Variants in BICD1 observed in about 807,000 individuals in gnomAD.
BICD1 encodes the protein BICD cargo adaptor 1.
Under a neutral mutation model 92.5 loss-of-function variants are expected in BICD1, and 35 were observed. That is an observed-to-expected ratio of 0.38 (90% CI 0.29 to 0.50). The LOEUF (loss-of-function observed/expected upper bound fraction) is 0.50, where lower values mean the gene tolerates loss of function less well. Among genes scored for constraint, BICD1 ranks in the 20% least tolerant of loss-of-function variants. BICD1 has a pLI of 0.93. For synonymous variants in BICD1, 429 were observed against 465.1 expected (o/e 0.92, Z 1.00); for missense variants, 950 against 1,189.8 (o/e 0.80, Z 2.97).
At chr12:32,259,532 G>T (rs1324361603) in intron 2 of BICD1, among the ~76,000 whole-genome samples, 1 of 152,198 alleles carries the variant, frequency 6.6e-6, no homozygotes. Context: ...CAGTCAGTGG[G>T]TCTGCTCCAC....
intron 2 of BICD1, among the ~76,000 whole-genome samples, chr12:32,246,342 A>T (rs1228405144): frequency 6.6e-6 from 1 of 151,634 alleles, no homozygotes; most frequent in African/African-American, 2.4e-5. Flanking sequence ...GATTAAAAAA[A>T]GAAAAACAAA....
intron 1 of BICD1, among the ~76,000 whole-genome samples, chr12:32,116,498 C>CTATATATATA (rs1565525031): frequency 4.2e-5 from 3 of 70,610 alleles, no homozygotes; most frequent in Non-Finnish European, 8.8e-5. Flanking sequence ...CTCTTTCTCT[C>CTATATATATA]TCTCTCTCTC....
At chr12:32,192,328 G>A (rs1944595021) in intron 1 of BICD1, among the ~76,000 whole-genome samples, 1 of 152,102 alleles carries the variant, frequency 6.6e-6, no homozygotes, top group Non-Finnish European at 1.5e-5. Flanking sequence ...CAGCTACTTG[G>A]GAGGCTGAGG....
At chr12:32,322,452 A>G (rs572400616) in intron 4 of BICD1, among the ~76,000 whole-genome samples, 2 of 152,278 alleles carry the variant, frequency 1.3e-5, no homozygotes, top group South Asian at 2.1e-4. Context: ...GATCCCTCGC[A>G]TGCGCAGTTC....
At chr12:32,207,039 A>G (rs1467507178) in intron 1 of BICD1, among the ~76,000 whole-genome samples, 1 of 152,248 alleles carries the variant, frequency 6.6e-6, no homozygotes, top group African/African-American at 2.4e-5. Flanking sequence ...ATGGTGATAC[A>G]AAATGCAGGA....
chr12:32,181,040 T>C (rs1445100177), intron 1 of BICD1, among the ~76,000 whole-genome samples: 1 of 151,936 alleles, frequency 6.6e-6, no homozygotes, highest in Non-Finnish European at 1.5e-5. Flanking sequence ...AAATATTACT[T>C]TTTATAGTAG....
chr12:32,322,912 A>T (rs1183680935), intron 4 of BICD1, among the ~76,000 whole-genome samples: 2 of 152,328 alleles, frequency 1.3e-5, no homozygotes, highest in Middle Eastern at 3.4e-3. Flanking sequence ...GGCGTTTTGG[A>T]AACAGCCTTA....
chr12:32,208,755 T>C (rs161960), intron 1 of BICD1, among the ~76,000 whole-genome samples: 136,108 of 152,270 alleles, frequency 0.89, 61,765 homozygotes, highest in East Asian at 1. Flanking sequence ...AGTTCTAACA[T>C]GTTTAGCTAG....
intron 1 of BICD1, among the ~76,000 whole-genome samples, chr12:32,119,895 G>C (rs911341994): frequency 7.5e-6 from 1 of 132,838 alleles, no homozygotes; most frequent in African/African-American, 2.7e-5. Context: ...CAAAAAACTG[G>C]GAAGTTATGA....
At chr12:32,345,247 A>C (rs1592702414) in intron 8 of BICD1, among the ~76,000 whole-genome samples, 1 of 151,098 alleles carries the variant, frequency 6.6e-6, no homozygotes, top group African/African-American at 2.4e-5. Context: ...ACTGCACTCC[A>C]GCGAGTGATG....
Position 32,107,324 on chromosome 12 carries a change from C to T in BICD1, c.-8C>T. ...CGTAACCCCCTCCTGCCTCCATCCA[C>T]CGGGGCTATGGCCGCAGAAGAGGTA... On this transcript the variant is annotated 5_prime_UTR_variant, in exon 1 of 10. Coordinates refer to ENST00000652176, the MANE Select transcript of BICD1 (RefSeq NM_001714.4). 6.3e-7 allele frequency: 1 copy of T among 1,592,468 alleles called. No homozygotes were observed. Among genetic ancestry groups the T allele is most frequent in the Non-Finnish European group, 8.6e-7 (1 of 1,169,478 alleles).
chr12:32,158,102 TTTTC>T (rs1943493738), intron 1 of BICD1, among the ~76,000 whole-genome samples: 1 of 147,984 alleles, frequency 6.8e-6, no homozygotes, highest in African/African-American at 2.4e-5. Context: ...GGGGTTTTTT[TTTTC>T]TTTTTTTTTT....
At chr12:32,261,856 G>T (rs1946867128) in intron 2 of BICD1, among the ~76,000 whole-genome samples, 1 of 152,196 alleles carries the variant, frequency 6.6e-6, no homozygotes, top group African/African-American at 2.4e-5. Context: ...TACCAGAAAG[G>T]GTTGAAGCAG....
chr12:32,128,035 C>T (rs563863927), intron 1 of BICD1, among the ~76,000 whole-genome samples: 4 of 151,818 alleles, frequency 2.6e-5, no homozygotes, highest in Admixed American at 6.6e-5. Context: ...TCCTAGGTAG[C>T]GGGGATTACA....
intron 1 of BICD1, among the ~76,000 whole-genome samples, chr12:32,213,943 T>C (rs970600256): frequency 3.2e-4 from 49 of 152,218 alleles, no homozygotes; most frequent in African/African-American, 1.1e-3. Flanking sequence ...GTAACAGTTA[T>C]TAGTGTTTGC....
At chr12:32,345,985 C>CA (rs1461121717) in intron 8 of BICD1, among the ~76,000 whole-genome samples, 2 of 151,686 alleles carry the variant, frequency 1.3e-5, no homozygotes, top group African/African-American at 4.8e-5. Context: ...CATGTCTCTA[C>CA]AAAAAATAAA....
At chr12:32,334,449 A>T (rs1565678962) in intron 5 of BICD1, 67 bp from the exon 6 acceptor site, 1 of 1,477,884 alleles carries the variant, frequency 6.8e-7, no homozygotes, top group African/African-American at 1.4e-5. Flanking sequence ...TAGGCACAGC[A>T]TGAAGCAATC....
chr12:32,196,024 T>C (rs74650897), intron 1 of BICD1, among the ~76,000 whole-genome samples: 15,941 of 152,202 alleles, frequency 0.1, 1,152 homozygotes, highest in Middle Eastern at 0.24. Context: ...TACAAATGGC[T>C]GACAGACATG....
intron 1 of BICD1, among the ~76,000 whole-genome samples, chr12:32,110,496 A>G (rs560956939): frequency 6.6e-6 from 1 of 152,286 alleles, no homozygotes; most frequent in East Asian, 1.9e-4. Flanking sequence ...TATGTCCACT[A>G]GAATACTTGA....
Sources: gnomAD v4.1 joint callset for allele counts (sites outside exome capture counted in the v4.1 genomes callset) on GRCh38, gnomAD v4.1.1 for gene constraint, MANE v1.5 for transcripts, NCBI Gene and HGNC (gene_info 2026-07-23, HGNC 2026-07-21) for gene names.